DOCK1: variants seen among roughly 807,000 people sequenced by gnomAD.
DOCK1 encodes dedicator of cytokinesis 1, also known as dedicator of cytokinesis protein 1.
A neutral mutation model predicts 262.7 loss-of-function variants in DOCK1; 138 were observed. That is an observed-to-expected ratio of 0.53 (90% confidence interval 0.46 to 0.61). The LOEUF (loss-of-function observed/expected upper bound fraction) is 0.61, where lower values mean the gene tolerates loss of function less well. Among genes scored for constraint, DOCK1 ranks in the 20% least tolerant of loss-of-function variants. The probability of loss-of-function intolerance (pLI) is 0.00; values close to 1 mark genes in which losing one functional copy is unlikely to be tolerated. For missense variants in DOCK1, 1,908 were observed against 2,370.7 expected, an observed-to-expected ratio of 0.80 and a Z score of 4.05; for synonymous variants, 866 against 867.4, an observed-to-expected ratio of 1.00 and a Z score of 0.03.
intron 29 of DOCK1, among the ~76,000 whole-genome samples, chr10:127,288,944 A>C (rs375413728): frequency 6.6e-6 from 1 of 152,224 alleles, no homozygotes; most frequent in East Asian, 1.9e-4. Context: ...AGCTAAACTC[A>C]TCAATTTGAT....
At chr10:127,037,568 G>A (rs2043722981) in intron 18 of DOCK1, 151 bp from the exon 19 acceptor site, 3 of 606,446 alleles carry the variant, frequency 4.9e-6, no homozygotes, top group Middle Eastern at 3.0e-4. Flanking sequence ...TTGCTACAAA[G>A]GAATGGAATA....
intron 1 of DOCK1, among the ~76,000 whole-genome samples, chr10:126,966,999 G>A (rs2037725943): frequency 6.6e-6 from 1 of 152,184 alleles, no homozygotes; most frequent in African/African-American, 2.4e-5. Context: ...ACTCGACCAG[G>A]GAGAATGTAG....
intron 38 of DOCK1, among the ~76,000 whole-genome samples, chr10:127,386,689 C>T (rs1039177342): frequency 8.6e-5 from 13 of 151,876 alleles, no homozygotes; most frequent in Non-Finnish European, 1.3e-4. Context: ...ATAATTATTT[C>T]GTTATGTATT....
intron 1 of DOCK1, among the ~76,000 whole-genome samples, chr10:126,912,291 A>T (rs2031886922): frequency 6.6e-6 from 1 of 151,868 alleles, no homozygotes; most frequent in African/African-American, 2.4e-5. Context: ...TTAACCTGGT[A>T]TGGTGGCGGG....
At chr10:127,207,042 C>T (rs947560098) in intron 27 of DOCK1, among the ~76,000 whole-genome samples, 1 of 152,152 alleles carries the variant, frequency 6.6e-6, no homozygotes, top group Non-Finnish European at 1.5e-5. Flanking sequence ...TAATCTCTCC[C>T]AAAACCTGCC....
At chr10:127,069,378 C>T (rs750391918) in intron 23 of DOCK1, among the ~76,000 whole-genome samples, 71 of 152,146 alleles carry the variant, frequency 4.7e-4, no homozygotes, top group Non-Finnish European at 8.1e-4. Context: ...TCTGACCTGA[C>T]GAATCAGGGC....
chr10:127,061,578 CAA>C (rs2045532184), intron 22 of DOCK1, 88 bp from the exon 23 acceptor site: 1 of 1,089,894 alleles, frequency 9.2e-7, no homozygotes, highest in Non-Finnish European at 1.4e-6. Context: ...ACTTGTCACC[CAA>C]GTGATTCCCT....
chr10:127,109,977 G>A (rs1168081410), intron 24 of DOCK1, among the ~76,000 whole-genome samples: 3 of 152,058 alleles, frequency 2.0e-5, no homozygotes, highest in Non-Finnish European at 4.4e-5. Context: ...CCAGCTTGGT[G>A]TGACTGTTCT....
At chr10:127,261,349 C>G (rs1590174989) in intron 29 of DOCK1, among the ~76,000 whole-genome samples, 1 of 86,024 alleles carries the variant, frequency 1.2e-5, no homozygotes, top group East Asian at 3.6e-4. Context: ...GTGTGTGTAC[C>G]CGTGCTCATC....
At chr10:127,332,562 G>A (rs961184585) in intron 29 of DOCK1, among the ~76,000 whole-genome samples, 9 of 152,036 alleles carry the variant, frequency 5.9e-5, no homozygotes, top group Non-Finnish European at 1.3e-4. Context: ...GTCTCTCACG[G>A]TCTGGCCCAG....
At chr10:126,955,872 G>A (rs1447539365) in intron 1 of DOCK1, among the ~76,000 whole-genome samples, 1 of 152,092 alleles carries the variant, frequency 6.6e-6, no homozygotes, top group Non-Finnish European at 1.5e-5. Context: ...GGAAAGATTC[G>A]TTTGTGTCCT....
intron 33 of DOCK1, among the ~76,000 whole-genome samples, chr10:127,371,499 A>G (rs1353873270): frequency 6.6e-6 from 1 of 152,234 alleles, no homozygotes; most frequent in Admixed American, 6.5e-5. Context: ...TGCCGTTTTC[A>G]TAACCTACAC....
chr10:127,234,944 T>A lies in DOCK1; in HGVS notation c.2848-13064T>A, dbSNP rs1201328201. Among the ~76,000 whole-genome samples, 4 of 147,894 alleles carry A rather than the reference T, an allele frequency of 2.7e-5. No homozygotes were observed. In the East Asian group the frequency reaches 7.8e-4, roughly 29 times the overall value. On this transcript the variant is annotated intron_variant, in intron 27 of 51. Coordinates refer to ENST00000623213, the MANE Select transcript of DOCK1 (RefSeq NM_001290223.2). The stretch of plus-strand genomic sequence containing the variant: ...CTTTATATTTTATACATATAAAGTA[T>A]ATGGATTTTATACATAAAAAGTAAA...
At chr10:127,055,631 GT>G (rs2045090435) in intron 22 of DOCK1, among the ~76,000 whole-genome samples, 1 of 152,200 alleles carries the variant, frequency 6.6e-6, no homozygotes, top group Non-Finnish European at 1.5e-5. Context: ...CAGATGGTCT[GT>G]TCCCTGAGAG....
At chr10:127,018,541 C>T in intron 12 of DOCK1, 169 bp from the exon 13 acceptor site, 3 of 1,013,930 alleles carry the variant, frequency 3.0e-6, no homozygotes, top group Non-Finnish European at 1.4e-6. Context: ...ATGGAGTCCC[C>T]ACGACAGGCA....
At chr10:127,243,664 G>T (rs1299295686) in intron 27 of DOCK1, among the ~76,000 whole-genome samples, 2 of 152,138 alleles carry the variant, frequency 1.3e-5, no homozygotes, top group Non-Finnish European at 2.9e-5. Context: ...GACGACTTCT[G>T]TCCAGGGCTC....
rs919950728 is a variant in DOCK1 at position 127,042,769 on chromosome 10, C to T, written c.2100+55C>T. 4 of 1,571,474 alleles carry T rather than the reference C, an allele frequency of 2.5e-6. No homozygotes were observed. The African/African-American group carries it at 5.4e-5, about 21-fold the overall frequency. On this transcript the variant is annotated intron_variant, in intron 20 of 51. Coordinates refer to ENST00000623213, the MANE Select transcript of DOCK1 (RefSeq NM_001290223.2). ...GATAACACAGCGTTCTTCCATGCTG[C>T]AGCGTCTGAGGCTGGAGTCGGGGGC...
rs921333966 is a variant in DOCK1, at chr10:127,438,972, T to C, written c.5061-55T>C. On this transcript the variant is annotated intron_variant, in intron 48 of 51. Coordinates refer to ENST00000623213, the MANE Select transcript of DOCK1 (RefSeq NM_001290223.2). ...GATTGTGAGTGACTTTACACGTGTCTGTGGGCTGGAAAGCAATTGCTCTCC... is the reference window on the plus strand; with the variant it reads ...GATTGTGAGTGACTTTACACGTGTCCGTGGGCTGGAAAGCAATTGCTCTCC... The C allele has an allele frequency of 4.7e-6, 7 of 1,486,360 alleles. No individual in the cohort carries two copies. In the African/African-American group the frequency reaches 8.5e-5, roughly 18 times the overall value. 92.1% of individuals were successfully genotyped at this position (1,486,360 alleles called of 1,614,324 possible).
chr10:127,162,637 T>G (rs2053685660), intron 27 of DOCK1, among the ~76,000 whole-genome samples: 1 of 152,242 alleles, frequency 6.6e-6, no homozygotes, highest in Non-Finnish European at 1.5e-5. Context: ...CACCTGTACA[T>G]GTAAACTCCA....
Sources: gnomAD v4.1 joint callset for allele counts (sites outside exome capture counted in the v4.1 genomes callset) on GRCh38, gnomAD v4.1.1 for gene constraint, MANE v1.5 for transcripts, NCBI Gene and HGNC (gene_info 2026-07-23, HGNC 2026-07-21) for gene names.